The following SEPHS1 variants were observed in gnomAD, a reference collection of about 807,000 sequenced individuals.
SEPHS1 encodes the protein selenophosphate synthetase 1.
In SEPHS1, 7 loss-of-function variants were observed where a neutral mutation model predicts 39.2. That is an observed-to-expected ratio of 0.18 (90% CI 0.10 to 0.34). The LOEUF is 0.34. Ranked by LOEUF, SEPHS1 falls within the 10% of genes least tolerant of loss-of-function variation. The pLI, the probability that SEPHS1 is intolerant of heterozygous loss-of-function variation, is 1.00. For missense variants in SEPHS1, 253 were observed against 514.5 expected, an observed-to-expected ratio of 0.49 and a Z score of 4.92; for synonymous variants, 190 against 195.5, an observed-to-expected ratio of 0.97 and a Z score of 0.23.
chr10:13,340,688 T>A lies in SEPHS1; in HGVS notation c.194-1880A>T, dbSNP rs1375160989. ...TGAATAATCTTAAATTTGAATTACA[T>A]ACATTTGATTTGTAAAGCGCTTTAT... On this transcript the variant is annotated intron_variant, in intron 2 of 8. Transcript: ENST00000327347. 1.1e-4 allele frequency: 17 copies of A among 152,396 alleles called. No homozygotes were observed. In the East Asian group the frequency reaches 2.5e-3, roughly 22 times the overall value. The allele number at this position is 152,396 out of a possible 1,614,324, so 9.4% of individuals were successfully genotyped here.
At chr10:13,323,838 C>T (rs1047969966) in intron 7 of SEPHS1, among the ~76,000 whole-genome samples, 11 of 151,346 alleles carry the variant, frequency 7.3e-5, no homozygotes, top group African/African-American at 2.4e-4. Context: ...CTCAGGCAAT[C>T]GTCCTGCCTC....
chr10:13,326,371 G>A (rs1833291075), intron 7 of SEPHS1, among the ~76,000 whole-genome samples: 1 of 152,024 alleles, frequency 6.6e-6, no homozygotes, highest in Non-Finnish European at 1.5e-5. Flanking sequence ...CTACTTGGGA[G>A]GCTGTGGCAG....
intron 2 of SEPHS1, among the ~76,000 whole-genome samples, chr10:13,339,443 C>T (rs779691785): frequency 6.6e-6 from 1 of 152,130 alleles, no homozygotes; most frequent in African/African-American, 2.4e-5. Flanking sequence ...CAGTAGTAGT[C>T]AAGATACGCT....
At position 13,318,469 on chromosome 10, in the gene SEPHS1, G is replaced by T. The variant is rs1280972420; in HGVS notation, c.*673C>A. 1 of 152,540 alleles carries T rather than the reference G, an allele frequency of 6.6e-6. No homozygotes were observed. The highest frequency in any genetic ancestry group is 2.1e-4 in the South Asian group (1 of 4,820). The allele number at this position is 152,540 out of a possible 1,614,324, so 9.4% of individuals were successfully genotyped here. On this transcript the variant is annotated 3_prime_UTR_variant, in exon 9 of 9. Transcript: ENST00000327347. The stretch of plus-strand genomic sequence containing the variant: ...ATCCTTTTTTGCTATCGATAAAACA[G>T]TTAATGGTATTACTGTAAATATCAG...
intron 4 of SEPHS1, among the ~76,000 whole-genome samples, chr10:13,335,298 C>A (rs1240465371): frequency 6.6e-6 from 1 of 152,210 alleles, no homozygotes; most frequent in Non-Finnish European, 1.5e-5. Flanking sequence ...CCTCTAAGTG[C>A]CACGTGTCCC....
At chr10:13,344,350 TA>T (rs1189792908) in intron 2 of SEPHS1, among the ~76,000 whole-genome samples, 3 of 152,152 alleles carry the variant, frequency 2.0e-5, no homozygotes, top group Admixed American at 1.3e-4. Flanking sequence ...AAATTGAAAA[TA>T]AAAATTAAAA....
intron 3 of SEPHS1, among the ~76,000 whole-genome samples, chr10:13,338,268 C>A (rs1458526333): frequency 1.3e-5 from 2 of 152,206 alleles, no homozygotes; most frequent in Non-Finnish European, 2.9e-5. Context: ...GAGATACTAG[C>A]TCCTTAATCT....
intron 4 of SEPHS1, among the ~76,000 whole-genome samples, chr10:13,334,549 A>G (rs1588542391): frequency 6.8e-6 from 1 of 148,078 alleles, no homozygotes; most frequent in South Asian, 2.1e-4. Context: ...CTCAAAAACA[A>G]AAAAAAAAAA....
chr10:13,340,448 T>C (rs1453312174), intron 2 of SEPHS1, among the ~76,000 whole-genome samples: 1 of 152,294 alleles, frequency 6.6e-6, no homozygotes, highest in East Asian at 1.9e-4. Context: ...ATTTGTTTCA[T>C]CACACTCTTT....
chr10:13,346,065 C>G (rs2130704745), intron 1 of SEPHS1, among the ~76,000 whole-genome samples: 1 of 152,340 alleles, frequency 6.6e-6, no homozygotes, highest in Non-Finnish European at 1.5e-5. Context: ...GCCCAACAAA[C>G]TAGTACACAC....
intron 1 of SEPHS1, among the ~76,000 whole-genome samples, chr10:13,346,783 T>C (rs1833935825): frequency 6.6e-6 from 1 of 152,160 alleles, no homozygotes; most frequent in African/African-American, 2.4e-5. Flanking sequence ...ACCTCCTATC[T>C]ATTCCTCTCC....
chr10:13,337,124 C>T (rs1434355979), intron 3 of SEPHS1, among the ~76,000 whole-genome samples: 1 of 151,686 alleles, frequency 6.6e-6, no homozygotes, highest in African/African-American at 2.4e-5. Context: ...GCACTCTAGC[C>T]TGGGCAACAG....
rs544189313 is a variant in SEPHS1 at position 13,347,019 on chromosome 10, G to A, written c.-79+981C>T. Among the ~76,000 whole-genome samples, 8 of 152,128 alleles carry A rather than the reference G, an allele frequency of 5.3e-5. No individual in the cohort carries two copies. In the East Asian group the frequency reaches 1.4e-3, roughly 26 times the overall value. On this transcript the variant is annotated intron_variant, in intron 1 of 8. Coordinates refer to ENST00000327347, the MANE Select transcript of SEPHS1 (RefSeq NM_012247.5). Reference sequence around the variant, plus strand: ...TGGAGGGCATGGGAAGGGGGAGGGGGTTCTGGGGGAAATGTGCAGTGATTA... The same window carrying A: ...TGGAGGGCATGGGAAGGGGGAGGGGATTCTGGGGGAAATGTGCAGTGATTA...
At chr10:13,335,248 T>A (rs1214084727) in intron 4 of SEPHS1, among the ~76,000 whole-genome samples, 1 of 152,212 alleles carries the variant, frequency 6.6e-6, no homozygotes, top group Non-Finnish European at 1.5e-5. Context: ...CCCGTCACCA[T>A]CTACGTCCAC....
intron 8 of SEPHS1, among the ~76,000 whole-genome samples, 182 bp downstream of exon 8, chr10:13,322,653 C>T (rs1833150207): frequency 6.6e-6 from 1 of 152,170 alleles, no homozygotes; most frequent in South Asian, 2.1e-4. Flanking sequence ...GCTGGATCCA[C>T]CCAGGATGGC....
In SEPHS1 at chr10:13,330,705, T is replaced by A. The variant is rs972094657; in HGVS notation, c.561-917A>T. ...CCCAGCTCAACCTATACCATTTGTA[T>A]CCACTCTCAGCTTTGAAAAATAGAA... On this transcript the variant is annotated intron_variant, in intron 5 of 8. Transcript: ENST00000327347. Among the ~76,000 whole-genome samples the A allele has an allele frequency of 2.0e-5, 3 of 152,280 alleles. No homozygotes were observed. In the South Asian group the frequency reaches 6.2e-4, roughly 32 times the overall value.
intron 8 of SEPHS1, chr10:13,322,136 CTCTTT>C (rs764667419): frequency 4.0e-5 from 15 of 377,002 alleles, no homozygotes; most frequent in African/African-American, 2.1e-4. Context: ...CTGTATCATT[CTCTTT>C]TCTTTTTTTT....
intron 2 of SEPHS1, among the ~76,000 whole-genome samples, 187 bp downstream of exon 2, chr10:13,344,571 C>T (rs1833875939): frequency 6.6e-6 from 1 of 152,046 alleles, no homozygotes; most frequent in African/African-American, 2.4e-5. Flanking sequence ...GTGATGGCTA[C>T]ACTAAAAGCC....
intron 8 of SEPHS1, chr10:13,322,143 CTTTT>C (rs56709546): frequency 8.7e-4 from 274 of 316,100 alleles, no homozygotes; most frequent in East Asian, 1.4e-3. Context: ...ATTCTCTTTT[CTTTT>C]TTTTTTTTTT....
Sources: gnomAD v4.1 joint callset for allele counts (sites outside exome capture counted in the v4.1 genomes callset) on GRCh38, gnomAD v4.1.1 for gene constraint, MANE v1.5 for transcripts, NCBI Gene and HGNC (gene_info 2026-07-23, HGNC 2026-07-21) for gene names.